CDH8: variants seen among roughly 807,000 people sequenced by gnomAD.
The protein encoded by CDH8 is cadherin-8.
Under a neutral mutation model 68.1 loss-of-function variants are expected in CDH8, and 17 were observed. That is an observed-to-expected ratio of 0.25 (90% confidence interval 0.17 to 0.37). The LOEUF (loss-of-function observed/expected upper bound fraction) is 0.37, where lower values mean the gene tolerates loss of function less well. CDH8 is among the 10% of genes least tolerant of loss of function. The pLI, the probability that CDH8 is intolerant of heterozygous loss-of-function variation, is 1.00. For synonymous variants in CDH8, 372 were observed against 365.1 expected, an observed-to-expected ratio of 1.02 and a Z score of -0.21; for missense variants, 763 against 999.3, an observed-to-expected ratio of 0.76 and a Z score of 3.19.
intron 9 of CDH8, among the ~76,000 whole-genome samples, chr16:61,721,348 T>A (rs1319824414): frequency 6.6e-6 from 1 of 151,018 alleles, no homozygotes; most frequent in Non-Finnish European, 1.5e-5. Context: ...TGTCTCCCTC[T>A]TGTGTATGCA....
chr16:61,689,555 A>G (rs1416420610), intron 10 of CDH8, among the ~76,000 whole-genome samples: 3 of 151,946 alleles, frequency 2.0e-5, no homozygotes. Context: ...CCTCAACCTC[A>G]CCATGTCTTA....
rs546053661 is a variant in CDH8 at position 61,695,671 on chromosome 16, C to G, written c.1654+18170G>C. On this transcript the variant is annotated intron_variant, in intron 10 of 11. Transcript: ENST00000577390. Reference sequence around the variant, plus strand: ...AAAATCACTCCCAGTTGAGAACCCACTGATGTGATTTGGGCACTGAAATAA... The same window carrying G: ...AAAATCACTCCCAGTTGAGAACCCAGTGATGTGATTTGGGCACTGAAATAA... 4.7e-4 allele frequency among the ~76,000 whole-genome samples: 72 copies of G among 152,306 alleles called. 1 individual carries two copies. In the South Asian group the frequency reaches 0.014, roughly 30 times the overall value.
At chr16:62,003,118 A>G (rs1047433427) in intron 2 of CDH8, among the ~76,000 whole-genome samples, 2 of 152,150 alleles carry the variant, frequency 1.3e-5, no homozygotes, top group African/African-American at 4.8e-5. Flanking sequence ...AATTGTCTTA[A>G]TAAGTATGGG....
At chr16:61,688,631 G>A (rs1964152238) in intron 10 of CDH8, among the ~76,000 whole-genome samples, 1 of 151,888 alleles carries the variant, frequency 6.6e-6, no homozygotes, top group Non-Finnish European at 1.5e-5. Context: ...CACTGAGATG[G>A]ATCATATCCC....
intron 2 of CDH8, among the ~76,000 whole-genome samples, chr16:62,020,793 A>G (rs1902055261): frequency 6.6e-6 from 1 of 152,252 alleles, no homozygotes; most frequent in South Asian, 2.1e-4. Context: ...GTAGGAATTC[A>G]AACTGAGAAA....
intron 9 of CDH8, among the ~76,000 whole-genome samples, chr16:61,719,079 T>C (rs1455558929): frequency 2.6e-5 from 4 of 151,030 alleles, no homozygotes; most frequent in East Asian, 3.9e-4. Context: ...TTCCAGTTGC[T>C]ACCAAGATTT....
chr16:61,986,182 C>T (rs1328333491), intron 2 of CDH8, among the ~76,000 whole-genome samples: 1 of 152,072 alleles, frequency 6.6e-6, no homozygotes, highest in Non-Finnish European at 1.5e-5. Context: ...CCTCAGCCTC[C>T]CAAAGTGCTG....
At chr16:61,818,124 A>G (rs1015279002) in intron 6 of CDH8, 1 of 167,626 alleles carries the variant, frequency 6.0e-6, no homozygotes, top group African/African-American at 2.4e-5. Context: ...ATCGAACACA[A>G]TCTCTGTCTG....
At chr16:61,688,711 A>G (rs1308839463) in intron 10 of CDH8, among the ~76,000 whole-genome samples, 1 of 151,898 alleles carries the variant, frequency 6.6e-6, no homozygotes, top group Non-Finnish European at 1.5e-5. Flanking sequence ...GATGTCGTCT[A>G]CTGAGAGACC....
chr16:61,838,153 G>A (rs545620536), intron 4 of CDH8, among the ~76,000 whole-genome samples: 30 of 152,046 alleles, frequency 2.0e-4, no homozygotes, highest in African/African-American at 7.2e-4. Context: ...ATATCAAATA[G>A]GTAATCTTTT....
intron 2 of CDH8, among the ~76,000 whole-genome samples, chr16:61,902,762 A>T (rs1963999559): frequency 6.6e-6 from 1 of 152,168 alleles, no homozygotes; most frequent in African/African-American, 2.4e-5. Context: ...AGCAACAAAG[A>T]TTCCAAATGC....
chr16:61,879,059 A>C (rs1425424409), intron 3 of CDH8, among the ~76,000 whole-genome samples: 1 of 152,184 alleles, frequency 6.6e-6, no homozygotes. Context: ...TGCCAGGAAA[A>C]AATAAAAGAT....
At chr16:61,835,788 T>G (rs1962556840) in intron 4 of CDH8, among the ~76,000 whole-genome samples, 1 of 152,038 alleles carries the variant, frequency 6.6e-6, no homozygotes, top group Non-Finnish European at 1.5e-5. Flanking sequence ...AAAAGCAAAG[T>G]GAAAGTCACT....
At chr16:61,765,113 C>T (rs909051930) in intron 8 of CDH8, among the ~76,000 whole-genome samples, 23 of 151,892 alleles carry the variant, frequency 1.5e-4, no homozygotes, top group African/African-American at 5.3e-4. Flanking sequence ...GAACTACGAC[C>T]CTTCTGACCT....
chr16:61,888,278 T>C (rs990756258), intron 3 of CDH8, among the ~76,000 whole-genome samples: 1 of 152,182 alleles, frequency 6.6e-6, no homozygotes, highest in Non-Finnish European at 1.5e-5. Context: ...ATTTGAAGTA[T>C]GAGAGACAGA....
intron 10 of CDH8, among the ~76,000 whole-genome samples, chr16:61,697,676 T>C (rs979274674): frequency 6.6e-6 from 1 of 152,084 alleles, no homozygotes; most frequent in Non-Finnish European, 1.5e-5. Context: ...AATTTTTGTA[T>C]CTTTAATAGA....
chr16:61,813,295 T>C (rs1279693244), intron 7 of CDH8, among the ~76,000 whole-genome samples: 2 of 152,190 alleles, frequency 1.3e-5, no homozygotes, highest in African/African-American at 4.8e-5. Context: ...GGACTGGGGA[T>C]AGGCATGGCA....
chr16:61,816,260 T>A (rs1386356835), intron 7 of CDH8, among the ~76,000 whole-genome samples: 1 of 152,294 alleles, frequency 6.6e-6, no homozygotes, highest in East Asian at 1.9e-4. Flanking sequence ...TGTAAATAAT[T>A]TTTGTACAAA....
chr16:62,017,889 C>T lies in CDH8; in HGVS notation c.252+3263G>A, dbSNP rs142252192. On this transcript the variant is annotated intron_variant, in intron 2 of 11. Coordinates refer to ENST00000577390, the MANE Select transcript of CDH8 (RefSeq NM_001796.5). ...CTCTTCAAGACACACAGAAACATCA[C>T]CTCCACACTATACAACATGTACCTG... is the stretch of plus-strand genomic sequence containing the variant. Among the ~76,000 whole-genome samples, 175 of 152,206 alleles carry T rather than the reference C, an allele frequency of 1.1e-3. 1 individual carries two copies. Among genetic ancestry groups the T allele is most frequent in the African/African-American group, 4.0e-3 (168 of 41,534 alleles).
Sources: gnomAD v4.1 joint callset for allele counts (sites outside exome capture counted in the v4.1 genomes callset) on GRCh38, gnomAD v4.1.1 for gene constraint, MANE v1.5 for transcripts, NCBI Gene and HGNC (gene_info 2026-07-23, HGNC 2026-07-21) for gene names.